MTMR11: variants seen among roughly 807,000 people sequenced by gnomAD.
MTMR11 encodes myotubularin related protein 11.
A neutral mutation model predicts 100.0 loss-of-function variants in MTMR11; 89 were observed. The observed-to-expected ratio is 0.89, with a 90% CI of 0.75 to 1.06. The LOEUF (loss-of-function observed/expected upper bound fraction) is 1.06. Ranked by LOEUF, MTMR11 falls within the 50% of genes least tolerant of loss-of-function variation. The pLI, the probability that MTMR11 is intolerant of heterozygous loss-of-function variation, is 0.00. For synonymous variants in MTMR11, 336 were observed against 326.3 expected (o/e 1.03, Z -0.32); for missense variants, 809 against 873.7 (o/e 0.93, Z 0.93).
At chr1:149,936,396 G>A (rs959232656) in intron 1 of MTMR11, 167 bp from the exon 2 acceptor site, 6 of 1,458,572 alleles carry the variant, frequency 4.1e-6, no homozygotes, top group African/African-American at 1.4e-5. Context: ...AAAGGGAGGG[G>A]CTGGTTAATG....
Position 149,935,353 on chromosome 1 carries a change from G to A in MTMR11, c.271C>T (p.Pro91Ser), listed in dbSNP as rs782208574. Residue 91 changes from proline (P) to serine (S), a missense_variant, in exon 4 of 17, where the codon CCC (proline) becomes TCC (serine). Pro to Ser is a moderately conservative substitution (Grantham distance 74). Coordinates refer to ENST00000439741, the MANE Select transcript of MTMR11 (RefSeq NM_001145862.2). ...GCAAAATCGTATTCACTGTTCAAGG[G>A]AGTGTCCTAGACGAAACACGTGACT... is the stretch of plus-strand genomic sequence containing the variant. ...PCGWQWNQDT[P>S]LNSEYDFALV... is the part of the protein sequence containing the mutation. The A allele has an allele frequency of 6.2e-7, 1 of 1,613,838 alleles. No homozygotes were observed. The highest frequency in any genetic ancestry group is 2.2e-5 in the East Asian group (1 of 44,874).
intron 12 of MTMR11, 78 bp downstream of exon 12, chr1:149,931,866 T>G (rs187680428): frequency 2.3e-6 from 3 of 1,313,512 alleles, no homozygotes; most frequent in East Asian, 4.7e-5. Context: ...CTTATGGGTC[T>G]CCCTCCCTGA....
At chr1:149,929,961 C>T in intron 15 of MTMR11, 45 bp from the exon 16 acceptor site, 1 of 1,561,848 alleles carries the variant, frequency 6.4e-7, no homozygotes, top group Non-Finnish European at 8.7e-7. Context: ...GACCAGATAA[C>T]CCTAGTTTCC....
chr1:149,935,568 GC>G lies in MTMR11; in HGVS notation c.264+15del, dbSNP rs781963257. The G allele has an allele frequency of 6.2e-6, 10 of 1,612,078 alleles. No homozygotes were observed. Among genetic ancestry groups the G allele is most frequent in the Non-Finnish European group, 6.8e-6 (8 of 1,178,478 alleles). ...TTTCCCACTAGCTGTCATTTCTGTGGCCCCAACCATCTCACCTGATTCCACT... is the reference window on the plus strand; with the variant it reads ...TTTCCCACTAGCTGTCATTTCTGTGGCCCAACCATCTCACCTGATTCCACT... On this transcript the variant is annotated intron_variant, in intron 3 of 16. Coordinates refer to ENST00000439741, the MANE Select transcript of MTMR11 (RefSeq NM_001145862.2).
At chr1:149,935,847 G>T in intron 2 of MTMR11, 142 bp from the exon 3 acceptor site, 1 of 1,127,290 alleles carries the variant, frequency 8.9e-7, no homozygotes, top group African/African-American at 1.6e-5. Flanking sequence ...AAGCTTATGA[G>T]GAAAGATAAA....
At chr1:149,930,197 G>A (rs587718343) in intron 15 of MTMR11, 168 bp downstream of exon 15, 2 of 748,054 alleles carry the variant, frequency 2.7e-6, no homozygotes, top group East Asian at 5.3e-5. Flanking sequence ...GCTATTCTAG[G>A]TCTTCTGTCT....
chr1:149,934,392 A>C, intron 6 of MTMR11, 56 bp downstream of exon 6: 1 of 1,613,646 alleles, frequency 6.2e-7, no homozygotes, highest in Non-Finnish European at 8.5e-7. Flanking sequence ...GCTCTTTGTC[A>C]TCAGCCATCC....
At chr1:149,931,815 A>C in intron 12 of MTMR11, 129 bp downstream of exon 12, 1 of 771,414 alleles carries the variant, frequency 1.3e-6, no homozygotes, top group Non-Finnish European at 2.2e-6. Flanking sequence ...GGATGAGAGT[A>C]GAGCTCGCAG....
intron 14 of MTMR11, 24 bp downstream of exon 14, chr1:149,930,768 G>A (rs199635469): frequency 2.1e-5 from 32 of 1,524,648 alleles, no homozygotes; most frequent in Non-Finnish European, 2.5e-5. Flanking sequence ...AAAAAAACAC[G>A]AGTCAAAAAT....
intron 10 of MTMR11, 127 bp downstream of exon 10, chr1:149,933,278 GA>G (rs1313328192): frequency 6.1e-6 from 8 of 1,313,110 alleles, no homozygotes; most frequent in Non-Finnish European, 7.4e-6. Context: ...CAAGAAAAAA[GA>G]AAAGAAAAGA....
Position 149,929,784 on chromosome 1 carries a change from G to A in MTMR11, c.1780C>T (p.Arg594Ter), listed in dbSNP as rs139642077. 13 of 1,614,214 alleles carry A rather than the reference G, an allele frequency of 8.1e-6. No individual in the cohort carries two copies. Among genetic ancestry groups the A allele is most frequent in the East Asian group, 2.2e-5 (1 of 44,888 alleles). The change falls in exon 16 of 17, where the codon CGA (arginine) becomes TGA (stop). Residue 594 changes from arginine to a stop codon, truncating the protein, a stop_gained. Coordinates refer to ENST00000439741, the MANE Select transcript of MTMR11 (RefSeq NM_001145862.2). LOFTEE classifies it high-confidence loss of function. The stretch of plus-strand genomic sequence containing the variant: ...AGGCTTTCAGAGGAGATAGCAGGTC[G>A]AGGGAGCCAACGAGAAGAGACTGCC... ...LLAVSSRWLP[R>*]PAISSESLAD... is the part of the protein sequence containing the mutation.
In MTMR11 at chr1:149,936,585, C is replaced by T. The variant is rs1553769311; in HGVS notation, c.63G>A (p.Met21Ile). The change falls in exon 1 of 17, where the codon ATG (methionine) becomes ATA (isoleucine). Residue 21 changes from methionine (M) to isoleucine (I), a missense_variant. Coordinates refer to ENST00000439741, the MANE Select transcript of MTMR11 (RefSeq NM_001145862.2). Reference protein sequence around the residue: ...NIAPQKEEPEMGSVQENRMPE... With the variant: ...NIAPQKEEPEIGSVQENRMPE... ...CCCCCAAATTCCTTCTCCTTACCCC[C>T]ATCTCTGGCTCCTCCTTCTGGGGGG... 5 of 1,530,616 alleles carry T rather than the reference C, an allele frequency of 3.3e-6. No individual in the cohort carries two copies. The highest frequency in any genetic ancestry group is 3.5e-6 in the Non-Finnish European group (4 of 1,128,500). The allele number at this position is 1,530,616 out of a possible 1,614,324, so 94.8% of individuals were successfully genotyped here. A position where few individuals can be genotyped will look rare whatever the true frequency, so the allele number is the denominator to read the frequency against.
rs782809279 is a variant in MTMR11 at position 149,931,922 on chromosome 1, T to A, written c.1123+22A>T. 3.1e-6 allele frequency: 5 copies of A among 1,592,512 alleles called. No individual in the cohort carries two copies. In the Admixed American group the frequency reaches 6.7e-5, roughly 21 times the overall value. ...TAAAGAAAAGAGGCAAGGAATGGAA[T>A]GGGCTTAACCAAGGAACTCACCTTG... is the stretch of plus-strand genomic sequence containing the variant. On this transcript the variant is annotated intron_variant, in intron 12 of 16. Transcript: ENST00000439741.
intron 16 of MTMR11, 50 bp from the exon 17 acceptor site, chr1:149,929,367 C>T (rs782321136): frequency 3.3e-6 from 5 of 1,496,002 alleles, no homozygotes; most frequent in Middle Eastern, 2.1e-4. Flanking sequence ...GTAGCTCTGG[C>T]CCCCTGCTTC....
intron 10 of MTMR11, among the ~76,000 whole-genome samples, chr1:149,932,908 G>A (rs993933050): frequency 4.7e-5 from 7 of 150,494 alleles, no homozygotes; most frequent in East Asian, 2.0e-4. Context: ...CCGAGATCAC[G>A]CCACTGCACT....
At chr1:149,930,318 G>A in intron 15 of MTMR11, 47 bp downstream of exon 15, 2 of 1,549,812 alleles carry the variant, frequency 1.3e-6, no homozygotes, top group Non-Finnish European at 1.8e-6. Flanking sequence ...CTAGTAGCAT[G>A]AGCCTGTGGG....
At chr1:149,929,554 A>T in intron 16 of MTMR11, 69 bp downstream of exon 16, 1 of 1,517,442 alleles carries the variant, frequency 6.6e-7, no homozygotes, top group Non-Finnish European at 8.9e-7. Context: ...TTGCCTTTCC[A>T]GCTCCTGTTC....
chr1:149,929,108 AAGATT>A lies in MTMR11; in HGVS notation c.*16_*20del, dbSNP rs2092619516. 2 of 1,567,830 alleles carry A rather than the reference AAGATT, an allele frequency of 1.3e-6. No individual in the cohort carries two copies. The highest frequency in any genetic ancestry group is 1.7e-6 in the Non-Finnish European group (2 of 1,161,878). ...AGTGCAGATACAAAAAAAAAAAAAA[AAGATT>A]AGACAGAACCCTCCTCTACCCCAGA... On this transcript the variant is annotated 3_prime_UTR_variant, in exon 17 of 17. Coordinates refer to ENST00000439741, the MANE Select transcript of MTMR11 (RefSeq NM_001145862.2).
chr1:149,936,555 G>T, intron 1 of MTMR11, 27 bp downstream of exon 1: 1 of 1,471,172 alleles, frequency 6.8e-7, no homozygotes, highest in Non-Finnish European at 9.3e-7. Context: ...CCCTCTTGCC[G>T]ACACCCCCCA....
Sources: gnomAD v4.1 joint callset for allele counts (sites outside exome capture counted in the v4.1 genomes callset) on GRCh38, gnomAD v4.1.1 for gene constraint, MANE v1.5 for transcripts, NCBI Gene and HGNC (gene_info 2026-07-23, HGNC 2026-07-21) for gene names.